CDH18: variants seen among roughly 807,000 people sequenced by gnomAD.
CDH18 encodes the protein cadherin-18.
CDH18 carries 31 observed loss-of-function variants against 67.9 expected under a neutral mutation model. The ratio of observed to expected loss-of-function variants is 0.46; its 90% CI spans 0.34 to 0.62. The LOEUF is 0.62. Ranked by LOEUF, CDH18 falls within the 20% of genes least tolerant of loss-of-function variation. The pLI is 0.01. For synonymous variants in CDH18, 362 were observed against 347.2 expected (o/e 1.04, Z -0.48); for missense variants, 890 against 975.5 (o/e 0.91, Z 1.17).
At chr5:20,009,861 G>A (rs1271333386) in intron 2 of CDH18, among the ~76,000 whole-genome samples, 1 of 151,950 alleles carries the variant, frequency 6.6e-6, no homozygotes, top group Non-Finnish European at 1.5e-5. Context: ...CTCCATTCTG[G>A]AAGATACATT....
chr5:20,087,271 G>T (rs887066668), intron 2 of CDH18, among the ~76,000 whole-genome samples: 4 of 152,024 alleles, frequency 2.6e-5, no homozygotes, highest in African/African-American at 9.7e-5. Context: ...GAAAAACAAA[G>T]AAATTGGTTT....
At chr5:20,242,278 T>A (rs1742986134) in intron 2 of CDH18, among the ~76,000 whole-genome samples, 1 of 152,034 alleles carries the variant, frequency 6.6e-6, no homozygotes, top group African/African-American at 2.4e-5. Context: ...TGATTATCAT[T>A]TGGTTGCGGC....
At chr5:20,529,899 C>G (rs966144991) in intron 1 of CDH18, among the ~76,000 whole-genome samples, 1 of 151,936 alleles carries the variant, frequency 6.6e-6, no homozygotes, top group Admixed American at 6.6e-5. Context: ...GACAATTAGT[C>G]AAGAGAAGGA....
At chr5:19,715,322 T>A (rs1399615651) in intron 5 of CDH18, among the ~76,000 whole-genome samples, 2 of 152,156 alleles carry the variant, frequency 1.3e-5, no homozygotes, top group Non-Finnish European at 2.9e-5. Flanking sequence ...ACGAAATTCA[T>A]TGAGGTCTTT....
chr5:20,439,732 A>T (rs1057251469), intron 1 of CDH18, among the ~76,000 whole-genome samples: 1 of 151,788 alleles, frequency 6.6e-6, no homozygotes, highest in Admixed American at 6.6e-5. Context: ...CACTTTTTTA[A>T]CAATATAATT....
chr5:20,525,353 C>T (rs937181238), intron 1 of CDH18, among the ~76,000 whole-genome samples: 2 of 152,074 alleles, frequency 1.3e-5, no homozygotes, highest in African/African-American at 4.8e-5. Flanking sequence ...AGGCGGGGTT[C>T]ATCTTAGCCT....
intron 2 of CDH18, among the ~76,000 whole-genome samples, chr5:20,130,877 T>G (rs1749212117): frequency 6.6e-6 from 1 of 152,026 alleles, no homozygotes; most frequent in African/African-American, 2.4e-5. Flanking sequence ...TTATCACAAT[T>G]GCATATTTAA....
At chr5:19,777,375 TAAC>T (rs1171658928) in intron 3 of CDH18, among the ~76,000 whole-genome samples, 1 of 152,224 alleles carries the variant, frequency 6.6e-6, no homozygotes, top group Non-Finnish European at 1.5e-5. Flanking sequence ...CAATGCATGT[TAAC>T]AACGACACAA....
chr5:20,559,192 G>A (rs1056187863), intron 1 of CDH18, among the ~76,000 whole-genome samples: 1 of 151,982 alleles, frequency 6.6e-6, no homozygotes, highest in Middle Eastern at 3.4e-3. Context: ...GATTTTCAAG[G>A]AGAAAAACCA....
At chr5:20,549,489 T>C (rs1757518380) in intron 1 of CDH18, among the ~76,000 whole-genome samples, 1 of 152,158 alleles carries the variant, frequency 6.6e-6, no homozygotes, top group Admixed American at 6.6e-5. Context: ...CTCTTAGATT[T>C]ACTACAGTAG....
chr5:20,527,708 C>G (rs11742024), intron 1 of CDH18, among the ~76,000 whole-genome samples: 63,859 of 151,830 alleles, frequency 0.42, 14,675 homozygotes, highest in East Asian at 0.56. Context: ...ACAAGCAAAA[C>G]CTGAGGGATT....
At chr5:20,233,368 A>C (rs1561898170) in intron 2 of CDH18, among the ~76,000 whole-genome samples, 1 of 148,526 alleles carries the variant, frequency 6.7e-6, no homozygotes, top group East Asian at 2.3e-4. Context: ...TTTTTCAGTA[A>C]GAATATCATA....
intron 1 of CDH18, among the ~76,000 whole-genome samples, chr5:20,471,853 C>CAAAAAAAAAAAAAAAAAAA (rs1554005562): frequency 8.8e-5 from 5 of 56,520 alleles, no homozygotes; most frequent in African/African-American, 2.1e-4. Flanking sequence ...AAAAAAAAAG[C>CAAAAAAAAAAAAAAAAAAA]AAAAGCATTG....
chr5:19,956,853 A>G (rs957138818), intron 2 of CDH18, among the ~76,000 whole-genome samples: 3 of 151,916 alleles, frequency 2.0e-5, no homozygotes, highest in Admixed American at 1.3e-4. Flanking sequence ...GTTGTCATGC[A>G]TAATTCGTAT....
At chr5:19,658,726 T>C (rs1756749953) in intron 5 of CDH18, among the ~76,000 whole-genome samples, 2 of 151,950 alleles carry the variant, frequency 1.3e-5, no homozygotes, top group African/African-American at 4.8e-5. Flanking sequence ...TATATATACA[T>C]GCGCCATGTT....
intron 2 of CDH18, among the ~76,000 whole-genome samples, chr5:20,119,105 C>T (rs1748148342): frequency 6.6e-6 from 1 of 152,072 alleles, no homozygotes; most frequent in South Asian, 2.1e-4. Flanking sequence ...CATGTGACTT[C>T]CCACCTCTAC....
intron 2 of CDH18, among the ~76,000 whole-genome samples, chr5:19,996,357 C>T (rs1736020079): frequency 6.6e-6 from 1 of 151,938 alleles, no homozygotes; most frequent in African/African-American, 2.4e-5. Flanking sequence ...TTTGGATTTT[C>T]TCTATTACTG....
intron 9 of CDH18, among the ~76,000 whole-genome samples, chr5:19,533,753 T>G (rs181981840): frequency 6.6e-6 from 1 of 152,188 alleles, no homozygotes; most frequent in Admixed American, 6.5e-5. Context: ...AAAAGCCATA[T>G]TTACAGATAT....
At chr5:20,192,017 C>T (rs764988808) in intron 2 of CDH18, among the ~76,000 whole-genome samples, 31 of 151,958 alleles carry the variant, frequency 2.0e-4, no homozygotes, top group Non-Finnish European at 2.4e-4. Flanking sequence ...CTCATCAGCA[C>T]CTATGGTTTC....
Sources: allele counts gnomAD v4.1 joint callset (sites outside exome capture counted in the v4.1 genomes callset), GRCh38; gene constraint gnomAD v4.1.1; transcripts MANE v1.5; gene names NCBI Gene and HGNC (gene_info 2026-07-23, HGNC 2026-07-21).